Variants in IQCM observed in about 807,000 individuals in gnomAD.
The protein encoded by IQCM is IQ domain-containing protein M.
In IQCM, 45 loss-of-function variants were observed where a neutral mutation model predicts 57.6. The ratio of observed to expected loss-of-function variants is 0.78; its 90% CI spans 0.62 to 1.00. The LOEUF is 1.00. IQCM is among the 50% of genes least tolerant of loss of function. IQCM has a pLI of 0.00. For synonymous variants in IQCM, 148 were observed against 158.9 expected (o/e 0.93, Z 0.51); for missense variants, 468 against 511.6 (o/e 0.91, Z 0.82).
At chr4:149,399,169 C>T (rs1356258190) in intron 13 of IQCM, among the ~76,000 whole-genome samples, 1 of 152,124 alleles carries the variant, frequency 6.6e-6, no homozygotes, top group African/African-American at 2.4e-5. Context: ...ATTCTCAAGG[C>T]TCTTGTCTCT....
At chr4:149,373,996 G>A (rs950370741) in intron 13 of IQCM, among the ~76,000 whole-genome samples, 2 of 152,144 alleles carry the variant, frequency 1.3e-5, no homozygotes, top group South Asian at 2.1e-4. Flanking sequence ...TTCTGCTTTA[G>A]TGTTAGAAAG....
intron 2 of IQCM, among the ~76,000 whole-genome samples, chr4:149,769,531 C>A (rs1268686259): frequency 6.6e-6 from 1 of 150,722 alleles, no homozygotes; most frequent in Non-Finnish European, 1.5e-5. Flanking sequence ...ACCTAGAGCC[C>A]CAAAATGTAC....
At chr4:149,722,171 T>G (rs1765505037) in intron 5 of IQCM, among the ~76,000 whole-genome samples, 1 of 152,214 alleles carries the variant, frequency 6.6e-6, no homozygotes, top group South Asian at 2.1e-4. Flanking sequence ...TTTGTTTGAG[T>G]TTCTTGTAGA....
At chr4:149,809,551 C>T (rs1774372253) in intron 2 of IQCM, among the ~76,000 whole-genome samples, 1 of 151,836 alleles carries the variant, frequency 6.6e-6, no homozygotes. Context: ...AATTGAATTG[C>T]CAATAAAATA....
In IQCM at chr4:149,471,503, G is replaced by A. The variant is rs139792405; in HGVS notation, c.1229-37946C>T. ...AGCCTAGCAACTAAAAAAAGTCCAG[G>A]CCCAGATGGATTCACAGCCGAATTC... On this transcript the variant is annotated intron_variant, in intron 12 of 13. Transcript: ENST00000636793. Among the ~76,000 whole-genome samples, 933 of 152,256 alleles carry A rather than the reference G, an allele frequency of 6.1e-3. 29 individuals are homozygous for A. Among genetic ancestry groups the A allele is most frequent in the Admixed American group, 0.052 (793 of 15,288 alleles).
At position 149,742,664 on chromosome 4, in the gene IQCM, T is replaced by C. The variant is rs914826872; in HGVS notation, c.28A>G (p.Lys10Glu). ...AAGCACAGATACTCACATTTTGCTT[T>C]TTCAGGCATAGCCTCTTCAGTAGTC... MTTEEAMPEKAKCPTLEITK... is the reference protein window; with the variant it reads MTTEEAMPEEAKCPTLEITK... Residue 10 changes from lysine (K) to glutamate (E), a missense_variant, in exon 3 of 14, where the codon AAA becomes GAA. Coordinates refer to ENST00000636793, the MANE Select transcript of IQCM (RefSeq NM_001363507.2). The C allele has an allele frequency of 1.6e-6, 2 of 1,231,508 alleles. No homozygotes were observed. The highest frequency in any genetic ancestry group is 4.1e-5 in the South Asian group (1 of 24,318). The allele number at this position is 1,231,508 out of a possible 1,614,324, so 76.3% of individuals were successfully genotyped here. A position where few individuals can be genotyped will look rare whatever the true frequency, so the allele number is the denominator to read the frequency against.
chr4:149,370,576 TACACAC>T, intron 13 of IQCM, among the ~76,000 whole-genome samples: 1 of 148,720 alleles, frequency 6.7e-6, no homozygotes, highest in Non-Finnish European at 1.5e-5. Context: ...ACACACACTA[TACACAC>T]ACACACACAC....
chr4:149,560,648 G>A (rs1033371438), intron 10 of IQCM, among the ~76,000 whole-genome samples: 1 of 152,072 alleles, frequency 6.6e-6, no homozygotes, highest in Non-Finnish European at 1.5e-5. Flanking sequence ...TTAAAATATA[G>A]CAATCTCTGT....
At chr4:149,805,841 C>A (rs1505477) in intron 2 of IQCM, among the ~76,000 whole-genome samples, 17,770 of 151,778 alleles carry the variant, frequency 0.12, 1,213 homozygotes, top group East Asian at 0.18. Context: ...TTTAGTCTGT[C>A]AAAATTAAAC....
intron 12 of IQCM, among the ~76,000 whole-genome samples, chr4:149,495,639 T>C (rs1000210704): frequency 4.6e-5 from 7 of 152,078 alleles, no homozygotes; most frequent in Admixed American, 4.6e-4. Flanking sequence ...AAAAAGCTAC[T>C]TTGAGGAGGG....
intron 12 of IQCM, among the ~76,000 whole-genome samples, chr4:149,528,395 AGT>A (rs1412600881): frequency 2.9e-4 from 44 of 152,130 alleles, no homozygotes; most frequent in African/African-American, 9.6e-4. Context: ...CAATTCTTTG[AGT>A]TAAGGCATTA....
intron 8 of IQCM, among the ~76,000 whole-genome samples, chr4:149,606,991 T>G (rs1255779171): frequency 6.6e-6 from 1 of 151,972 alleles, no homozygotes. Context: ...AGTAGAAAGT[T>G]TACTCAAAGA....
At chr4:149,735,575 T>G (rs761263703) in intron 3 of IQCM, 117 bp from the exon 4 acceptor site, 7 of 441,178 alleles carry the variant, frequency 1.6e-5, no homozygotes, top group African/African-American at 4.0e-5. Context: ...AATATTTTGC[T>G]TTTAAGAAGA....
In IQCM at chr4:149,443,751, A is replaced by AAGGAAAGGAAAGGAG. The variant is rs1560845314; in HGVS notation, c.1229-10195_1229-10194insCTCCTTTCCTTTCCT. On this transcript the variant is annotated intron_variant, in intron 12 of 13. Transcript: ENST00000636793. Reference sequence around the variant, plus strand: ...AAGGAAAGGAAAGGAAAGGAAAGGAAGAAAACTGGCAAGCCTTCAACCCAT... The same window carrying AAGGAAAGGAAAGGAG: ...AAGGAAAGGAAAGGAAAGGAAAGGAAAGGAAAGGAAAGGAGGAAAACTGGCAAGCCTTCAACCCAT... Among the ~76,000 whole-genome samples the AAGGAAAGGAAAGGAG allele has an allele frequency of 3.7e-4, 56 of 150,812 alleles. 1 individual carries two copies. The highest frequency in any genetic ancestry group is 1.2e-3 in the African/African-American group (48 of 41,068).
intron 7 of IQCM, among the ~76,000 whole-genome samples, chr4:149,656,312 T>G (rs973942327): frequency 2.0e-5 from 3 of 152,200 alleles, no homozygotes; most frequent in Admixed American, 6.6e-5. Flanking sequence ...TATATTAAAT[T>G]TCAGCATTTT....
chr4:149,405,230 AG>A (rs1732895390), intron 13 of IQCM, among the ~76,000 whole-genome samples: 1 of 152,116 alleles, frequency 6.6e-6, no homozygotes, highest in Non-Finnish European at 1.5e-5. Flanking sequence ...GAGTGCTTGA[AG>A]GGTTTGTTGA....
chr4:149,430,265 A>T (rs1175050464), intron 13 of IQCM, among the ~76,000 whole-genome samples: 1 of 151,996 alleles, frequency 6.6e-6, no homozygotes, highest in African/African-American at 2.4e-5. Flanking sequence ...AAGCTTCAAG[A>T]GGAAACATCT....
intron 7 of IQCM, among the ~76,000 whole-genome samples, chr4:149,642,171 A>G (rs1758252897): frequency 1.3e-5 from 2 of 152,214 alleles, no homozygotes; most frequent in Admixed American, 6.5e-5. Context: ...GCTAAGCTTC[A>G]GTAAACTTTC....
chr4:149,401,952 A>G (rs1209648567), intron 13 of IQCM, among the ~76,000 whole-genome samples: 1 of 151,830 alleles, frequency 6.6e-6, no homozygotes, highest in Non-Finnish European at 1.5e-5. Flanking sequence ...ATAATGTTCA[A>G]TTGGATGATG....
Sources: allele counts gnomAD v4.1 joint callset (sites outside exome capture counted in the v4.1 genomes callset), GRCh38; gene constraint gnomAD v4.1.1; transcripts MANE v1.5; gene names NCBI Gene and HGNC (gene_info 2026-07-23, HGNC 2026-07-21).